Variants in TMEM67 observed in about 807,000 individuals in gnomAD.
TMEM67 encodes transmembrane protein 67, also known as meckelin.
TMEM67 carries 124 observed loss-of-function variants against 136.6 expected under a neutral mutation model. The observed-to-expected ratio is 0.91, with a 90% CI of 0.78 to 1.05. TMEM67 has a LOEUF of 1.05. Ranked by LOEUF, TMEM67 falls within the 50% of genes least tolerant of loss-of-function variation. The pLI is 0.00. For synonymous variants in TMEM67, 364 were observed against 390.5 expected, an observed-to-expected ratio of 0.93 and a Z score of 0.80; for missense variants, 1,107 against 1,178.4, an observed-to-expected ratio of 0.94 and a Z score of 0.89.
At chr8:93,832,639 C>G in the TMEM67 span, among the ~76,000 whole-genome samples, 1 of 152,192 alleles carries the variant, frequency 6.6e-6, no homozygotes, top group East Asian at 1.9e-4. Context: ...GAGGCCAAGG[C>G]AGGCGGATCA....
Position 93,785,265 on chromosome 8 carries a change from C to G in TMEM67, c.1175C>G (p.Pro392Arg), listed in dbSNP as rs1455416289. The G allele has an allele frequency of 8.1e-6, 13 of 1,599,926 alleles. No homozygotes were observed. The East Asian group carries it at 2.7e-4, about 33-fold the overall frequency. ...ISKILIDFPT[P>R]IFYDVYLEYT... Reference sequence around the variant, plus strand: ...AAGATCTTAATTGACTTTCCCACTCCTATATTTTATGATGTGTACCTTGAA... The same window carrying G: ...AAGATCTTAATTGACTTTCCCACTCGTATATTTTATGATGTGTACCTTGAA... Residue 392 changes from proline to arginine, a missense_variant, in exon 12 of 28, where the codon CCT becomes CGT. Physicochemically the swap from Pro to Arg is moderately radical, Grantham distance 103 (BLOSUM62 -2). This residue lies in a region of TMEM67 where 925 missense variants were observed against 1,002.4 expected (regional missense o/e 0.92). Transcript: ENST00000453321.
At chr8:93,783,635 C>T (rs185636815) in intron 11 of TMEM67, among the ~76,000 whole-genome samples, 4 of 152,298 alleles carry the variant, frequency 2.6e-5, no homozygotes, top group Non-Finnish European at 1.5e-5. Flanking sequence ...CTAATAAAAA[C>T]ACATCCGAGA....
intron 21 of TMEM67, among the ~76,000 whole-genome samples, chr8:93,802,162 G>A (rs1433412486): frequency 6.6e-6 from 1 of 152,170 alleles, no homozygotes; most frequent in Non-Finnish European, 1.5e-5. Context: ...GTGGCTTAGT[G>A]CTACTGTCAG....
At chr8:93,788,431 C>T (rs775189539) in intron 14 of TMEM67, among the ~76,000 whole-genome samples, 10 of 152,082 alleles carry the variant, frequency 6.6e-5, no homozygotes, top group Non-Finnish European at 1.2e-4. Flanking sequence ...GGCGTGGTGG[C>T]GCACATCTGT....
intron 7 of TMEM67, among the ~76,000 whole-genome samples, chr8:93,780,017 C>T (rs1406326601): frequency 6.6e-6 from 1 of 152,176 alleles, no homozygotes; most frequent in African/African-American, 2.4e-5. Context: ...TGCTGAACTG[C>T]GGTGGGCTCC....
At chr8:93,778,032 T>C (rs1033067080) in intron 7 of TMEM67, among the ~76,000 whole-genome samples, 3 of 152,224 alleles carry the variant, frequency 2.0e-5, no homozygotes, top group African/African-American at 4.8e-5. Context: ...TGAATCTGGG[T>C]GCTCCTGTAT....
the TMEM67 span, among the ~76,000 whole-genome samples, chr8:93,828,796 G>A: frequency 6.6e-6 from 1 of 150,950 alleles, no homozygotes; most frequent in East Asian, 1.9e-4. Flanking sequence ...CCTTTTAAGA[G>A]TTATACCTAT....
chr8:93,775,469 G>A (rs977277639), intron 7 of TMEM67, among the ~76,000 whole-genome samples: 2 of 152,062 alleles, frequency 1.3e-5, no homozygotes, highest in Admixed American at 6.6e-5. Context: ...TTTCTTCTAG[G>A]GTTTTTATGG....
the TMEM67 span, among the ~76,000 whole-genome samples, chr8:93,826,943 C>T: frequency 1.2e-4 from 18 of 152,304 alleles, no homozygotes; most frequent in South Asian, 1.9e-3. Flanking sequence ...AATTCTCCTT[C>T]GTCAGCCTCC....
chr8:93,825,682 G>A, the TMEM67 span, among the ~76,000 whole-genome samples: 1 of 152,220 alleles, frequency 6.6e-6, no homozygotes, highest in Non-Finnish European at 1.5e-5. Context: ...ATGAATGAAA[G>A]CGATGAAGTG....
intron 7 of TMEM67, among the ~76,000 whole-genome samples, chr8:93,778,498 G>T (rs996430350): frequency 1.3e-5 from 2 of 152,156 alleles, no homozygotes; most frequent in South Asian, 2.1e-4. Context: ...GGTACTGGTT[G>T]TTCCTTCCCA....
chr8:93,789,699 GT>G (rs1214721066), intron 14 of TMEM67, among the ~76,000 whole-genome samples: 10 of 148,774 alleles, frequency 6.7e-5, no homozygotes, highest in Admixed American at 2.7e-4. Context: ...ACACTTCTGA[GT>G]TTTTTTCTTT....
intron 23 of TMEM67, among the ~76,000 whole-genome samples, chr8:93,806,520 A>G (rs1357814263): frequency 6.6e-6 from 1 of 152,180 alleles, no homozygotes; most frequent in Non-Finnish European, 1.5e-5. Context: ...CTAGGTAATG[A>G]GTAGTTTACT....
intron 26 of TMEM67, among the ~76,000 whole-genome samples, chr8:93,814,749 A>C (rs1808842055): frequency 6.6e-6 from 1 of 151,634 alleles, no homozygotes; most frequent in African/African-American, 2.4e-5. Flanking sequence ...AGCCTCCCAA[A>C]GTGCTGGAAT....
intron 7 of TMEM67, among the ~76,000 whole-genome samples, chr8:93,780,266 C>T (rs1250650868): frequency 6.6e-6 from 1 of 152,020 alleles, no homozygotes; most frequent in African/African-American, 2.4e-5. Context: ...TTTCCAGGTA[C>T]AGTCTGTCAC....
chr8:93,800,596 C>T (rs1395400497), intron 21 of TMEM67, among the ~76,000 whole-genome samples: 3 of 152,122 alleles, frequency 2.0e-5, no homozygotes, highest in Non-Finnish European at 4.4e-5. Flanking sequence ...TTATTATCCT[C>T]ATTTTATAGA....
chr8:93,789,873 C>T (rs1814297110), intron 14 of TMEM67, among the ~76,000 whole-genome samples: 1 of 151,010 alleles, frequency 6.6e-6, no homozygotes, highest in Admixed American at 6.6e-5. Context: ...GAGTTAGAGA[C>T]CAGCCTGGCC....
At chr8:93,781,330 A>G (rs1450711453) in intron 9 of TMEM67, among the ~76,000 whole-genome samples, 1 of 152,232 alleles carries the variant, frequency 6.6e-6, no homozygotes, top group Non-Finnish European at 1.5e-5. Context: ...AGCACTTCAC[A>G]GGGCCAAATT....
intron 3 of TMEM67, among the ~76,000 whole-genome samples, chr8:93,760,187 A>G (rs899508347): frequency 6.6e-6 from 1 of 152,220 alleles, no homozygotes; most frequent in Non-Finnish European, 1.5e-5. Context: ...GAAGTTTAAC[A>G]GGAAAGTTAT....
Sources: allele counts gnomAD v4.1 joint callset (sites outside exome capture counted in the v4.1 genomes callset), GRCh38; gene constraint gnomAD v4.1.1; regional missense constraint gnomAD v4.1.1; transcripts MANE v1.5; gene names NCBI Gene and HGNC (gene_info 2026-07-23, HGNC 2026-07-21).